The following NUP155 variants were observed in gnomAD, a reference collection of about 807,000 sequenced individuals.
NUP155 encodes nucleoporin 155.
NUP155 carries 71 observed loss-of-function variants against 180.4 expected under a neutral mutation model. The ratio of observed to expected loss-of-function variants is 0.39; its 90% CI spans 0.33 to 0.48. NUP155 has a LOEUF of 0.48. Among genes scored for constraint, NUP155 ranks in the 20% least tolerant of loss-of-function variants. NUP155 has a pLI of 0.91. For missense variants in NUP155, 1,553 were observed against 1,648.9 expected (o/e 0.94, Z 1.01); for synonymous variants, 582 against 559.5 (o/e 1.04, Z -0.57).
intron 3 of NUP155, among the ~76,000 whole-genome samples, chr5:37,363,153 C>T (rs1178063987): frequency 6.6e-6 from 1 of 152,174 alleles, no homozygotes; most frequent in East Asian, 1.9e-4. Context: ...CTCAGGTGAT[C>T]CACCCACCTC....
At position 37,304,655 on chromosome 5, in the gene NUP155, T is replaced by C. The variant is rs1044613013; in HGVS notation, c.3162+84A>G. On this transcript the variant is annotated intron_variant, in intron 27 of 34. Coordinates refer to ENST00000231498, the MANE Select transcript of NUP155 (RefSeq NM_153485.3). ...AGCAGGCATGGGATGAGAAACTGAA[T>C]TTTTTACATCTATATATGTGCTTAA... The C allele has an allele frequency of 7.0e-6, 7 of 1,000,856 alleles. No homozygotes were observed. In the African/African-American group the frequency reaches 8.1e-5, roughly 12 times the overall value. 62.0% of individuals were successfully genotyped at this position (1,000,856 alleles called of 1,614,324 possible). A position where few individuals can be genotyped will look rare whatever the true frequency, so the allele number is the denominator to read the frequency against.
intron 13 of NUP155, among the ~76,000 whole-genome samples, chr5:37,332,661 ACATATTT>A (rs1745056279): frequency 6.6e-6 from 1 of 152,122 alleles, no homozygotes; most frequent in African/African-American, 2.4e-5. Context: ...TTCAACTATG[ACATATTT>A]CAAATGATGG....
At chr5:37,325,824 G>A in intron 19 of NUP155, 77 bp downstream of exon 19, 1 of 868,768 alleles carries the variant, frequency 1.2e-6, no homozygotes, top group Admixed American at 2.0e-5. Context: ...GTAATATCAG[G>A]AAATGTGAAA....
intron 28 of NUP155, 59 bp downstream of exon 28, chr5:37,303,201 T>C (rs1742960188): frequency 1.3e-6 from 2 of 1,571,034 alleles, no homozygotes; most frequent in African/African-American, 1.4e-5. Context: ...GAAAACTGAA[T>C]GTAAGTACAT....
chr5:37,309,029 C>T lies in NUP155; in HGVS notation c.2767+100G>A, dbSNP rs1319059464. 10 of 1,238,292 alleles carry T rather than the reference C, an allele frequency of 8.1e-6. No individual in the cohort carries two copies. The Admixed American group carries it at 1.1e-4, about 13-fold the overall frequency. 76.7% of individuals were successfully genotyped at this position (1,238,292 alleles called of 1,614,324 possible). On this transcript the variant is annotated intron_variant, in intron 24 of 34. Coordinates refer to ENST00000231498, the MANE Select transcript of NUP155 (RefSeq NM_153485.3). ...GCCTCTGATGCTGAAAGAAGATTTG[C>T]ATCTGGAAAGTGGCTTTTCATCATT...
intron 34 of NUP155, 62 bp downstream of exon 34, chr5:37,292,817 C>T: frequency 9.7e-7 from 1 of 1,030,784 alleles, no homozygotes; most frequent in Non-Finnish European, 1.5e-6. Context: ...AAATTTTTTA[C>T]CCAGGTATTT....
chr5:37,343,714 AC>A (rs1214586293), intron 9 of NUP155, among the ~76,000 whole-genome samples: 1 of 151,854 alleles, frequency 6.6e-6, no homozygotes, highest in Admixed American at 6.6e-5. Context: ...AACATGGTGA[AC>A]CCCCGTCTCT....
Position 37,307,197 on chromosome 5 carries a change from C to CAAAA in NUP155, c.2903+96_2903+99dup, listed in dbSNP as rs34995492. Reference sequence around the variant, plus strand: ...CAGGTGACAGAGCAAGACTCTGTCTCAAAAAAAAAAAAAAAACATAAAACA... The same window carrying CAAAA: ...CAGGTGACAGAGCAAGACTCTGTCTCAAAAAAAAAAAAAAAAAAAACATAAAACA... On this transcript the variant is annotated intron_variant, in intron 25 of 34. Coordinates refer to ENST00000231498, the MANE Select transcript of NUP155 (RefSeq NM_153485.3). 5.0e-4 allele frequency: 474 copies of CAAAA among 941,504 alleles called. No individual in the cohort carries two copies. The African/African-American group carries it at 8.2e-3, about 16-fold the overall frequency. The allele number at this position is 941,504 out of a possible 1,614,324, so 58.3% of individuals were successfully genotyped here. A position where few individuals can be genotyped will look rare whatever the true frequency, so the allele number is the denominator to read the frequency against.
intron 3 of NUP155, among the ~76,000 whole-genome samples, chr5:37,363,137 C>T (rs542258853): frequency 1.6e-4 from 24 of 152,276 alleles, no homozygotes; most frequent in African/African-American, 5.8e-4. Context: ...GTCTCGGACT[C>T]CTGACCTCAG....
At chr5:37,324,638 T>C (rs1410469851) in intron 19 of NUP155, among the ~76,000 whole-genome samples, 3 of 152,096 alleles carry the variant, frequency 2.0e-5, no homozygotes, top group African/African-American at 7.2e-5. Flanking sequence ...ACTGCAGCCT[T>C]GACTTCCTAA....
intron 12 of NUP155, among the ~76,000 whole-genome samples, chr5:37,336,184 C>G (rs770227780): frequency 8.6e-5 from 13 of 151,736 alleles, no homozygotes; most frequent in Non-Finnish European, 5.9e-5. Context: ...AGCATTTGTT[C>G]TAAAAAAAAA....
chr5:37,348,814 G>A (rs1746273409), intron 8 of NUP155, among the ~76,000 whole-genome samples: 1 of 152,062 alleles, frequency 6.6e-6, no homozygotes, highest in South Asian at 2.1e-4. Flanking sequence ...GGAGGGCAAA[G>A]GCATGATCTC....
chr5:37,352,758 T>C lies in NUP155; in HGVS notation c.535A>G (p.Ser179Gly). The C allele has an allele frequency of 6.2e-7, 1 of 1,613,226 alleles. No homozygotes were observed. The highest frequency in any genetic ancestry group is 2.2e-5 in the East Asian group (1 of 44,844). Residue 179 changes from serine (S) to glycine (G), a missense_variant, in exon 5 of 35, where the codon AGC becomes GGC. Coordinates refer to ENST00000231498, the MANE Select transcript of NUP155 (RefSeq NM_153485.3). ...TPVDIVILGL[S>G]YANLQTGSGV... ...ATACCTGTTTGCAAATTAGCATAGCTGAGTCCAAGAATTACTATGTCTACA... is the reference window on the plus strand; with the variant it reads ...ATACCTGTTTGCAAATTAGCATAGCCGAGTCCAAGAATTACTATGTCTACA...
chr5:37,336,884 A>G (rs2150972198), intron 12 of NUP155, among the ~76,000 whole-genome samples: 1 of 152,264 alleles, frequency 6.6e-6, no homozygotes, highest in Admixed American at 6.5e-5. Context: ...GAAGGGTTCA[A>G]ATTTAAGAAC....
At position 37,337,798 on chromosome 5, in the gene NUP155, G is replaced by A. The variant is rs199687660; in HGVS notation, c.1347+20C>T. On this transcript the variant is annotated intron_variant, in intron 12 of 34. Coordinates refer to ENST00000231498, the MANE Select transcript of NUP155 (RefSeq NM_153485.3). ...TTAAAATTATATAATAGTTTTTTCA[G>A]AATTGTCAGGATAACTTACCTGGGT... The A allele has an allele frequency of 2.8e-3, 4,005 of 1,450,272 alleles. 10 individuals are homozygous for A. The highest frequency in any genetic ancestry group is 3.4e-3 in the Non-Finnish European group (3,500 of 1,032,316). 89.8% of individuals were successfully genotyped at this position (1,450,272 alleles called of 1,614,324 possible). A position where few individuals can be genotyped will look rare whatever the true frequency, so the allele number is the denominator to read the frequency against.
At chr5:37,347,730 G>A (rs191196467) in intron 9 of NUP155, among the ~76,000 whole-genome samples, 2,432 of 151,306 alleles carry the variant, frequency 0.016, 40 homozygotes, top group South Asian at 0.069. Context: ...GGCCAGGCAC[G>A]GTGGCTCACG....
intron 4 of NUP155, among the ~76,000 whole-genome samples, chr5:37,356,913 G>A (rs1387999061): frequency 1.3e-5 from 2 of 152,132 alleles, no homozygotes; most frequent in African/African-American, 2.4e-5. Context: ...TTCAAAACCA[G>A]CCTGGCCAAC....
At chr5:37,333,334 G>A (rs1745101987) in intron 13 of NUP155, 129 bp downstream of exon 13, 1 of 829,884 alleles carries the variant, frequency 1.2e-6, no homozygotes, top group Non-Finnish European at 2.0e-6. Flanking sequence ...CAGCCTGGGT[G>A]ATGAGCGAGA....
intron 33 of NUP155, 60 bp downstream of exon 33, chr5:37,294,269 T>C (rs547964615): frequency 3.1e-5 from 37 of 1,202,260 alleles, no homozygotes; most frequent in Admixed American, 3.0e-4. Flanking sequence ...CCCCACTCTA[T>C]ATCTACAAAG....
Sources: gnomAD v4.1 joint callset for allele counts (sites outside exome capture counted in the v4.1 genomes callset) on GRCh38, gnomAD v4.1.1 for gene constraint, MANE v1.5 for transcripts, NCBI Gene and HGNC (gene_info 2026-07-23, HGNC 2026-07-21) for gene names.